AGAP1: variants seen among roughly 807,000 people sequenced by gnomAD.
AGAP1 encodes ArfGAP with GTPase domain, ankyrin repeat and PH domain 1.
AGAP1 carries 29 observed loss-of-function variants against 105.3 expected under a neutral mutation model. That is an observed-to-expected ratio of 0.28 (90% CI 0.21 to 0.38). The LOEUF (loss-of-function observed/expected upper bound fraction) is 0.38. Ranked by LOEUF, AGAP1 falls within the 10% of genes least tolerant of loss-of-function variation. The pLI, the probability that AGAP1 is intolerant of heterozygous loss-of-function variation, is 1.00. For synonymous variants in AGAP1, 509 were observed against 485.9 expected (o/e 1.05, Z -0.63); for missense variants, 998 against 1,165.1 (o/e 0.86, Z 2.09).
chr2:236,088,932 C>A (rs918458643), intron 16 of AGAP1, among the ~76,000 whole-genome samples: 5 of 152,102 alleles, frequency 3.3e-5, no homozygotes, highest in African/African-American at 1.2e-4. Flanking sequence ...TGATGGTGAT[C>A]GTCATAAAGA....
rs1001464031 is a variant in AGAP1, at chr2:236,124,412, C to T, written c.*290C>T. The T allele has an allele frequency of 2.2e-6, 1 of 459,620 alleles. No individual in the cohort carries two copies. The highest frequency in any genetic ancestry group is 4.0e-6 in the Non-Finnish European group (1 of 250,408). 28.5% of individuals were successfully genotyped at this position (459,620 alleles called of 1,614,324 possible). On this transcript the variant is annotated 3_prime_UTR_variant, in exon 18 of 18. Coordinates refer to ENST00000304032, the MANE Select transcript of AGAP1 (RefSeq NM_001037131.3). This position sits in a 1 kb window ranked among gnomAD's most constrained non-coding sequence, Gnocchi z 5.1. ...GGCCCTTTGATGATAGCACATGGCGCAGGACCCTTGTCCTGGTGGCACAAG... is the reference window on the plus strand; with the variant it reads ...GGCCCTTTGATGATAGCACATGGCGTAGGACCCTTGTCCTGGTGGCACAAG...
At chr2:235,743,037 C>T (rs1024239328) in intron 4 of AGAP1, among the ~76,000 whole-genome samples, 1 of 152,132 alleles carries the variant, frequency 6.6e-6, no homozygotes, top group Admixed American at 6.5e-5. Context: ...CGTGGTGGCA[C>T]GTGCCTGTAA....
intron 6 of AGAP1, among the ~76,000 whole-genome samples, chr2:235,764,419 G>A (rs1559455116): frequency 6.6e-6 from 1 of 152,110 alleles, no homozygotes; most frequent in Non-Finnish European, 1.5e-5. Flanking sequence ...ATCTGGACTG[G>A]GGATCTTGGT....
chr2:235,521,806 A>C (rs1485457199), intron 1 of AGAP1, among the ~76,000 whole-genome samples: 1 of 151,316 alleles, frequency 6.6e-6, no homozygotes, highest in Non-Finnish European at 1.5e-5. Flanking sequence ...AGTGCTGTAT[A>C]GTCTACGTCT....
chr2:235,791,713 A>T (rs1029394363), intron 6 of AGAP1, among the ~76,000 whole-genome samples: 3 of 152,004 alleles, frequency 2.0e-5, no homozygotes, highest in African/African-American at 7.2e-5. Flanking sequence ...ATGCCTGGCT[A>T]ATTTTTGTAT....
At chr2:236,116,721 T>C (rs757552200) in intron 16 of AGAP1, among the ~76,000 whole-genome samples, 14 of 152,224 alleles carry the variant, frequency 9.2e-5, no homozygotes, top group Non-Finnish European at 1.9e-4. Flanking sequence ...TACTGCACCC[T>C]ATTTGTAGTC....
At position 235,882,250 on chromosome 2, in the gene AGAP1, G is replaced by A; in HGVS notation, c.1051-1095G>A. On this transcript the variant is annotated intron_variant, in intron 9 of 17. Transcript: ENST00000304032. This position sits in a 1 kb window ranked among gnomAD's most constrained non-coding sequence, Gnocchi z 4.6. ...CACAGGCCAGTGGCATCGGTGCAGAGTGCCCAGGTTCACAATGCAGCTTGT... is the reference window on the plus strand; with the variant it reads ...CACAGGCCAGTGGCATCGGTGCAGAATGCCCAGGTTCACAATGCAGCTTGT... 1 of 506,104 alleles carries A rather than the reference G, an allele frequency of 2.0e-6. No individual in the cohort carries two copies. Among genetic ancestry groups the A allele is most frequent in the Non-Finnish European group, 3.7e-6 (1 of 272,502 alleles). 31.4% of individuals were successfully genotyped at this position (506,104 alleles called of 1,614,324 possible). A position where few individuals can be genotyped will look rare whatever the true frequency, so the allele number is the denominator to read the frequency against.
chr2:235,720,929 C>T lies in AGAP1; in HGVS notation c.310+3285C>T, dbSNP rs373095656. On this transcript the variant is annotated intron_variant, in intron 3 of 17. Transcript: ENST00000304032. This position sits in a 1 kb window ranked among gnomAD's most constrained non-coding sequence, Gnocchi z 5.0. Reference sequence around the variant, plus strand: ...CAGAGGGTAATATCTGCTGTCTTTTCGTTGTATGATGCATTTTGGTTGATA... The same window carrying T: ...CAGAGGGTAATATCTGCTGTCTTTTTGTTGTATGATGCATTTTGGTTGATA... Among the ~76,000 whole-genome samples the T allele has an allele frequency of 7.2e-5, 11 of 152,200 alleles. No individual in the cohort carries two copies. The South Asian group carries it at 8.3e-4, about 11-fold the overall frequency.
intron 12 of AGAP1, among the ~76,000 whole-genome samples, chr2:235,942,970 A>G (rs1253892955): frequency 4.6e-5 from 7 of 152,178 alleles, no homozygotes; most frequent in Non-Finnish European, 7.4e-5. Flanking sequence ...GTGTGCGTCT[A>G]TAGTCCCAGC....
chr2:235,575,642 C>T (rs1389605671), intron 1 of AGAP1, among the ~76,000 whole-genome samples: 1 of 152,220 alleles, frequency 6.6e-6, no homozygotes, highest in Non-Finnish European at 1.5e-5. Flanking sequence ...CAGACATGCG[C>T]CCTGGGCTCT....
rs7584118 is a variant in AGAP1, at chr2:236,032,432, T to C, written c.1646-4129T>C. Among the ~76,000 whole-genome samples the C allele has an allele frequency of 7.8e-3, 1,190 of 152,250 alleles. 12 individuals are homozygous for C. Among genetic ancestry groups the C allele is most frequent in the African/African-American group, 0.027 (1,127 of 41,552 alleles). ...TCTCAGAAGACTAAGGGGGAAAATATTGCAAGATGGTGGTGCCCATCAGCA... is the reference window on the plus strand; with the variant it reads ...TCTCAGAAGACTAAGGGGGAAAATACTGCAAGATGGTGGTGCCCATCAGCA... On this transcript the variant is annotated intron_variant, in intron 13 of 17. Coordinates refer to ENST00000304032, the MANE Select transcript of AGAP1 (RefSeq NM_001037131.3).
At chr2:235,683,504 A>T (rs1037948243) in intron 1 of AGAP1, among the ~76,000 whole-genome samples, 1 of 150,358 alleles carries the variant, frequency 6.7e-6, no homozygotes, top group Non-Finnish European at 1.5e-5. Context: ...AATAAATTAT[A>T]CAAATAAAAC....
intron 12 of AGAP1, among the ~76,000 whole-genome samples, chr2:235,939,878 C>G (rs1206789839): frequency 3.3e-5 from 5 of 152,158 alleles, no homozygotes; most frequent in African/African-American, 1.2e-4. Flanking sequence ...TCCTGTCCTC[C>G]CTGCACTCCT....
At chr2:235,605,250 G>A (rs776654157) in intron 1 of AGAP1, among the ~76,000 whole-genome samples, 3 of 152,216 alleles carry the variant, frequency 2.0e-5, no homozygotes, top group Non-Finnish European at 4.4e-5. Context: ...ATAATTGAGT[G>A]CTTTTCACAT....
intron 1 of AGAP1, among the ~76,000 whole-genome samples, chr2:235,648,675 C>T (rs2149318864): frequency 6.7e-6 from 1 of 149,034 alleles, no homozygotes; most frequent in African/African-American, 2.5e-5. Context: ...AGATTGAGAC[C>T]ATCCTGGCTA....
rs2049885027 is a variant in AGAP1 at position 235,879,094 on chromosome 2, G to C, written c.1051-4251G>C. Among the ~76,000 whole-genome samples, 1 of 152,232 alleles carries C rather than the reference G, an allele frequency of 6.6e-6. No homozygotes were observed. Among genetic ancestry groups the C allele is most frequent in the Admixed American group, 6.5e-5 (1 of 15,288 alleles). On this transcript the variant is annotated intron_variant, in intron 9 of 17. Coordinates refer to ENST00000304032, the MANE Select transcript of AGAP1 (RefSeq NM_001037131.3). This position sits in a 1 kb window ranked among gnomAD's most constrained non-coding sequence, Gnocchi z 5.0. ...GTCCTGGCAGGAGTGAAGACGGCAG[G>C]AGAGCTGGCCCTGCCACATTCCGTT...
At chr2:235,969,509 C>T (rs565413125) in intron 13 of AGAP1, among the ~76,000 whole-genome samples, 1 of 152,286 alleles carries the variant, frequency 6.6e-6, no homozygotes, top group African/African-American at 2.4e-5. Flanking sequence ...CAGTGAGGGT[C>T]TCATGCCCAG....
rs979346676 is a variant in AGAP1, at chr2:235,692,169, G to T, written c.164-17010G>T. ...ATGTATCCATAAGCCAAAGCCGGGGGCTCCCTGGCAGATGCCCCTACCTGG... is the reference window on the plus strand; with the variant it reads ...ATGTATCCATAAGCCAAAGCCGGGGTCTCCCTGGCAGATGCCCCTACCTGG... On this transcript the variant is annotated intron_variant, in intron 1 of 17. Coordinates refer to ENST00000304032, the MANE Select transcript of AGAP1 (RefSeq NM_001037131.3). The surrounding 1 kb of genome is among the most constrained non-coding windows in gnomAD (Gnocchi z 5.8). Among the ~76,000 whole-genome samples, 2 of 152,056 alleles carry T rather than the reference G, an allele frequency of 1.3e-5. No homozygotes were observed. The highest frequency in any genetic ancestry group is 4.8e-5 in the African/African-American group (2 of 41,388).
chr2:235,783,420 C>A, intron 6 of AGAP1: 1 of 470,422 alleles, frequency 2.1e-6, no homozygotes, highest in Admixed American at 2.4e-5. Context: ...GTGTTGCTTT[C>A]TTTGTGGTAG....
Sources: allele counts gnomAD v4.1 joint callset (sites outside exome capture counted in the v4.1 genomes callset), GRCh38; gene constraint gnomAD v4.1.1; non-coding constraint Gnocchi (gnomAD v3.1); transcripts MANE v1.5; gene names NCBI Gene and HGNC (gene_info 2026-07-23, HGNC 2026-07-21).